The following FBLN2 variants were observed in gnomAD, a reference collection of about 807,000 sequenced individuals.
FBLN2 encodes fibulin-2.
A neutral mutation model predicts 123.7 loss-of-function variants in FBLN2; 81 were observed. The observed-to-expected ratio is 0.65, with a 90% CI of 0.55 to 0.79. The LOEUF is 0.79. Among genes scored for constraint, FBLN2 ranks in the 30% least tolerant of loss-of-function variants. FBLN2 has a pLI of 0.00. For synonymous variants in FBLN2, 699 were observed against 701.4 expected (o/e 1.00, Z 0.05); for missense variants, 1,603 against 1,681.3 (o/e 0.95, Z 0.81).
chr3:13,626,313 A>G, intron 9 of FBLN2, 132 bp from the exon 10 acceptor site: 2 of 888,428 alleles, frequency 2.3e-6, no homozygotes, highest in Non-Finnish European at 3.3e-6. Context: ...CATCAGCCAC[A>G]TCTCCGAATG....
chr3:13,587,013 C>T (rs556080450), intron 2 of FBLN2, among the ~76,000 whole-genome samples: 40 of 151,222 alleles, frequency 2.6e-4, no homozygotes, highest in African/African-American at 9.2e-4. Flanking sequence ...GTCACAGTGG[C>T]GCAGGGCTGT....
At chr3:13,573,757 G>A (rs922286467) in intron 2 of FBLN2, among the ~76,000 whole-genome samples, 7 of 152,110 alleles carry the variant, frequency 4.6e-5, no homozygotes, top group African/African-American at 1.7e-4. Context: ...TACAAAATTA[G>A]TCTGGCGTGG....
intron 6 of FBLN2, 89 bp from the exon 7 acceptor site, chr3:13,618,815 G>C (rs1574989203): frequency 9.4e-6 from 8 of 853,066 alleles, no homozygotes; most frequent in Middle Eastern, 2.2e-4. Flanking sequence ...AGTGCCCTGT[G>C]TGAGAAGGGC....
At chr3:13,621,375 C>T (rs1705844661) in intron 8 of FBLN2, among the ~76,000 whole-genome samples, 1 of 152,216 alleles carries the variant, frequency 6.6e-6, no homozygotes, top group African/African-American at 2.4e-5. Flanking sequence ...CACTCAGTGT[C>T]CTGGAGCCCC....
intron 1 of FBLN2, among the ~76,000 whole-genome samples, chr3:13,552,905 C>G (rs1703363547): frequency 6.6e-6 from 1 of 152,166 alleles, no homozygotes; most frequent in African/African-American, 2.4e-5. Flanking sequence ...GAGCGGAACA[C>G]AGGGCCCCTT....
chr3:13,631,057 C>T (rs1351423177), intron 15 of FBLN2, among the ~76,000 whole-genome samples: 1 of 152,188 alleles, frequency 6.6e-6, no homozygotes, highest in Non-Finnish European at 1.5e-5. Flanking sequence ...GGATGAAGAC[C>T]TAAGTTTACA....
intron 9 of FBLN2, among the ~76,000 whole-genome samples, chr3:13,623,348 C>A (rs1474734622): frequency 6.6e-6 from 1 of 152,178 alleles, no homozygotes; most frequent in African/African-American, 2.4e-5. Flanking sequence ...TAAAAGGGAT[C>A]CCCAGGCAGC....
At chr3:13,632,834 CTTG>C (rs1422292882) in intron 16 of FBLN2, among the ~76,000 whole-genome samples, 1 of 151,330 alleles carries the variant, frequency 6.6e-6, no homozygotes, top group Non-Finnish European at 1.5e-5. Context: ...AAGCCCTCTT[CTTG>C]TTAATTAAAA....
intron 2 of FBLN2, among the ~76,000 whole-genome samples, chr3:13,584,606 C>T (rs191025909): frequency 7.2e-5 from 11 of 152,272 alleles, no homozygotes; most frequent in African/African-American, 2.2e-4. Context: ...TAGGTAGAGG[C>T]AACTGTGCCT....
intron 1 of FBLN2, among the ~76,000 whole-genome samples, chr3:13,564,320 T>C (rs1703684077): frequency 6.6e-6 from 1 of 152,130 alleles, no homozygotes; most frequent in African/African-American, 2.4e-5. Flanking sequence ...CCTGCTGCCA[T>C]CCCTAGCAGT....
chr3:13,625,182 G>T (rs569578680), intron 9 of FBLN2, among the ~76,000 whole-genome samples: 1 of 144,342 alleles, frequency 6.9e-6, no homozygotes, highest in East Asian at 2.1e-4. Context: ...TTTCTGAGTT[G>T]GTGGCCTCTG....
chr3:13,622,581 C>T (rs1407837279), intron 9 of FBLN2, among the ~76,000 whole-genome samples: 3 of 152,180 alleles, frequency 2.0e-5, no homozygotes, highest in Non-Finnish European at 4.4e-5. Context: ...CCCCTCTGAC[C>T]GTGGGGCCAG....
chr3:13,578,107 T>G (rs1704207442), intron 2 of FBLN2, among the ~76,000 whole-genome samples: 1 of 152,242 alleles, frequency 6.6e-6, no homozygotes, highest in Non-Finnish European at 1.5e-5. Flanking sequence ...CAACCCATCT[T>G]GAGGGTCTGG....
intron 2 of FBLN2, among the ~76,000 whole-genome samples, chr3:13,606,478 A>C (rs926183098): frequency 6.6e-6 from 1 of 152,216 alleles, no homozygotes; most frequent in Admixed American, 6.5e-5. Flanking sequence ...TCACAAATAC[A>C]GTTGAACCTT....
rs571873622 is a variant in FBLN2 at position 13,638,205 on chromosome 3, C to A, written c.*286C>A. On this transcript the variant is annotated 3_prime_UTR_variant, in exon 18 of 18. Transcript: ENST00000404922. ...TGATGACCTGAGGACCAGAGACACG[C>A]GACCATGTTGGGGCTCTTGGACTCC... 1.6e-6 allele frequency: 1 copy of A among 616,428 alleles called. No individual in the cohort carries two copies. Among genetic ancestry groups the A allele is most frequent in the Non-Finnish European group, 2.9e-6 (1 of 340,108 alleles). The allele number at this position is 616,428 out of a possible 1,614,324, so 38.2% of individuals were successfully genotyped here. A position where few individuals can be genotyped will look rare whatever the true frequency, so the allele number is the denominator to read the frequency against.
intron 11 of FBLN2, 34 bp from the exon 12 acceptor site, chr3:13,628,871 C>T: frequency 6.2e-7 from 1 of 1,602,662 alleles, no homozygotes; most frequent in Admixed American, 1.7e-5. Context: ...GGACACCATG[C>T]CGGGCTCCCT....
rs543415486 is a variant in FBLN2, at chr3:13,582,254, A to G, written c.1306+10593A>G. Among the ~76,000 whole-genome samples the G allele has an allele frequency of 2.4e-4, 36 of 152,256 alleles. No homozygotes were observed. In the East Asian group the frequency reaches 6.2e-3, roughly 26 times the overall value. On this transcript the variant is annotated intron_variant, in intron 2 of 17. Coordinates refer to ENST00000404922, the MANE Select transcript of FBLN2 (RefSeq NM_001004019.2). ...TCACGCACCCAGGCCAAGGCAGCAG[A>G]TGCGGCTTTCCTGAGGCTGAACCAT...
At chr3:13,632,780 G>C (rs903955721) in intron 16 of FBLN2, among the ~76,000 whole-genome samples, 1 of 152,114 alleles carries the variant, frequency 6.6e-6, no homozygotes, top group Non-Finnish European at 1.5e-5. Context: ...TGGGAGGCCT[G>C]CTCGGCCCAC....
At chr3:13,635,750 T>G (rs1478163300) in intron 16 of FBLN2, among the ~76,000 whole-genome samples, 1 of 152,174 alleles carries the variant, frequency 6.6e-6, no homozygotes, top group African/African-American at 2.4e-5. Context: ...ATGCAGGCAC[T>G]CCACTGGGCA....
Sources: allele counts gnomAD v4.1 joint callset (sites outside exome capture counted in the v4.1 genomes callset), GRCh38; gene constraint gnomAD v4.1.1; transcripts MANE v1.5; gene names NCBI Gene and HGNC (gene_info 2026-07-23, HGNC 2026-07-21).